The following GABRA4 variants were observed in gnomAD, a reference collection of about 807,000 sequenced individuals.
The protein encoded by GABRA4 is gamma-aminobutyric acid receptor subunit alpha-4.
In GABRA4, 12 loss-of-function variants were observed where a neutral mutation model predicts 49.7. That is an observed-to-expected ratio of 0.24 (90% CI 0.15 to 0.39). The LOEUF (loss-of-function observed/expected upper bound fraction) is 0.39. Ranked by LOEUF, GABRA4 falls within the 10% of genes least tolerant of loss-of-function variation. The pLI is 1.00. For missense variants in GABRA4, 506 were observed against 686.0 expected (o/e 0.74, Z 2.93); for synonymous variants, 288 against 240.2 (o/e 1.20, Z -1.84).
At position 46,923,339 on chromosome 4, in the gene GABRA4, G is replaced by C. The variant is rs182489672; in HGVS notation, c.*4886C>G. On this transcript the variant is annotated 3_prime_UTR_variant, in exon 9 of 9. Coordinates refer to ENST00000264318, the MANE Select transcript of GABRA4 (RefSeq NM_000809.4). ...TACCCTCCAATTTTAATCTTATCTT[G>C]AGATAAAAGTCAATTTAATTTTTTA... The C allele has an allele frequency of 4.2e-3, 591 of 141,212 alleles. 6 individuals carry two copies. The highest frequency in any genetic ancestry group is 0.015 in the African/African-American group (576 of 39,074). 8.7% of individuals were successfully genotyped at this position (141,212 alleles called of 1,614,324 possible). A position where few individuals can be genotyped will look rare whatever the true frequency, so the allele number is the denominator to read the frequency against.
chr4:46,956,664 T>G (rs945060051), intron 8 of GABRA4, among the ~76,000 whole-genome samples: 1 of 152,008 alleles, frequency 6.6e-6, no homozygotes, highest in Non-Finnish European at 1.5e-5. Context: ...CTGTCCTAAA[T>G]GGTCACAGAA....
Position 46,993,534 on chromosome 4 carries a change from C to T in GABRA4, c.-110G>A. 1 of 1,137,628 alleles carries T rather than the reference C, an allele frequency of 8.8e-7. No homozygotes were observed. The highest frequency in any genetic ancestry group is 1.3e-6 in the Non-Finnish European group (1 of 776,886). The allele number at this position is 1,137,628 out of a possible 1,614,324, so 70.5% of individuals were successfully genotyped here. On this transcript the variant is annotated 5_prime_UTR_variant, in exon 1 of 9. Transcript: ENST00000264318. ...GGCTCCCGCGGCGTGCGCACACTCG[C>T]GCTCACACTCGCCCGCGCTCAGCCA...
chr4:46,956,112 T>A (rs113214449), intron 8 of GABRA4, among the ~76,000 whole-genome samples: 4,990 of 152,226 alleles, frequency 0.033, 85 homozygotes, highest in Middle Eastern at 0.071. Context: ...ATTTAGTAAT[T>A]GTGCATTAAA....
chr4:46,929,095 T>C (rs1451811001), intron 8 of GABRA4, among the ~76,000 whole-genome samples: 1 of 151,990 alleles, frequency 6.6e-6, no homozygotes, highest in Non-Finnish European at 1.5e-5. Flanking sequence ...GCTGTAAAAG[T>C]TATTTGTTTA....
intron 8 of GABRA4, among the ~76,000 whole-genome samples, chr4:46,945,688 A>T (rs2109352431): frequency 6.6e-6 from 1 of 152,256 alleles, no homozygotes; most frequent in African/African-American, 2.4e-5. Context: ...ATAGGAGGAA[A>T]ATTCAGGAAG....
chr4:46,944,527 G>T (rs1435314736), intron 8 of GABRA4, among the ~76,000 whole-genome samples: 4 of 152,052 alleles, frequency 2.6e-5, no homozygotes, highest in African/African-American at 4.8e-5. Context: ...AACAGAGTCT[G>T]CTCTGAGAGA....
intron 6 of GABRA4, among the ~76,000 whole-genome samples, 181 bp from the exon 7 acceptor site, chr4:46,971,416 T>C (rs939215288): frequency 6.6e-6 from 1 of 151,548 alleles, no homozygotes; most frequent in African/African-American, 2.4e-5. Flanking sequence ...ATATTGAACG[T>C]TATTATACAG....
chr4:46,938,570 G>A (rs1015068811), intron 8 of GABRA4, among the ~76,000 whole-genome samples: 1 of 152,088 alleles, frequency 6.6e-6, no homozygotes, highest in Non-Finnish European at 1.5e-5. Flanking sequence ...TCTTTGATGA[G>A]CCAAGAACCT....
chr4:46,987,898 A>G (rs1723597641), intron 2 of GABRA4, among the ~76,000 whole-genome samples: 1 of 152,102 alleles, frequency 6.6e-6, no homozygotes, highest in South Asian at 2.1e-4. Context: ...AGGTTCACTA[A>G]GAGAATAAGT....
chr4:46,962,152 GC>G (rs1722598711), intron 8 of GABRA4, among the ~76,000 whole-genome samples: 1 of 151,726 alleles, frequency 6.6e-6, no homozygotes, highest in South Asian at 2.1e-4. Context: ...ACAGGCACAG[GC>G]CCCACCCTGC....
intron 2 of GABRA4, among the ~76,000 whole-genome samples, chr4:46,986,238 T>C (rs1723531369): frequency 6.6e-6 from 1 of 152,024 alleles, no homozygotes; most frequent in African/African-American, 2.4e-5. Context: ...TCTGCTTCCA[T>C]GTACAAATGC....
chr4:46,927,213 A>T lies in GABRA4; in HGVS notation c.*1012T>A, dbSNP rs919166793. On this transcript the variant is annotated 3_prime_UTR_variant, in exon 9 of 9. Transcript: ENST00000264318. ...CATAATGCTTTTCACTTATAGAACAATCTGTACCATATTCTCATCTATTTT... is the reference window on the plus strand; with the variant it reads ...CATAATGCTTTTCACTTATAGAACATTCTGTACCATATTCTCATCTATTTT... 1.3e-5 allele frequency: 2 copies of T among 152,432 alleles called. No individual in the cohort carries two copies. Among genetic ancestry groups the T allele is most frequent in the African/African-American group, 2.4e-5 (1 of 41,430 alleles). 9.4% of individuals were successfully genotyped at this position (152,432 alleles called of 1,614,324 possible). A position where few individuals can be genotyped will look rare whatever the true frequency, so the allele number is the denominator to read the frequency against.
At chr4:46,964,015 TC>T (rs1199935496) in intron 8 of GABRA4, among the ~76,000 whole-genome samples, 1 of 151,810 alleles carries the variant, frequency 6.6e-6, no homozygotes, top group South Asian at 2.1e-4. Context: ...AACCTAAGTG[TC>T]TATAAACTGA....
chr4:46,966,686 G>A (rs140119615), intron 7 of GABRA4, among the ~76,000 whole-genome samples: 4 of 151,536 alleles, frequency 2.6e-5, no homozygotes, highest in African/African-American at 7.3e-5. Context: ...TCTGAAATTC[G>A]GTCTCTTCTA....
At chr4:46,988,095 T>C (rs1033708248) in intron 2 of GABRA4, among the ~76,000 whole-genome samples, 2 of 152,200 alleles carry the variant, frequency 1.3e-5, no homozygotes, top group South Asian at 2.1e-4. Flanking sequence ...TTGTTCTCTC[T>C]GAGAATTACT....
chr4:46,958,758 C>G (rs2109366346), intron 8 of GABRA4, among the ~76,000 whole-genome samples: 1 of 151,970 alleles, frequency 6.6e-6, no homozygotes, highest in African/African-American at 2.4e-5. Flanking sequence ...TATTCCAATT[C>G]CCAAAGAACC....
intron 7 of GABRA4, among the ~76,000 whole-genome samples, chr4:46,969,909 C>T (rs1014980337): frequency 6.6e-6 from 1 of 151,268 alleles, no homozygotes; most frequent in Non-Finnish European, 1.5e-5. Flanking sequence ...TTTAAGGTAC[C>T]ATTATACCTC....
rs71193889 is a variant in GABRA4 at position 46,978,687 on chromosome 4, C to CAAA, written c.273+341_273+343dup. On this transcript the variant is annotated intron_variant, in intron 3 of 8. Coordinates refer to ENST00000264318, the MANE Select transcript of GABRA4 (RefSeq NM_000809.4). ...GGGCAACAAGAGCAAAACTTCATCTCAAAAAAAAAAAAAAAAAAAAAAAAA... is the reference window on the plus strand; with the variant it reads ...GGGCAACAAGAGCAAAACTTCATCTCAAAAAAAAAAAAAAAAAAAAAAAAAAAA... Among the ~76,000 whole-genome samples the CAAA allele has an allele frequency of 5.5e-3, 118 of 21,650 alleles. 6 individuals are homozygous for CAAA. The highest frequency in any genetic ancestry group is 6.3e-3 in the African/African-American group (41 of 6,542). 14.2% of individuals were successfully genotyped at this position (21,650 alleles called of 152,430 possible).
At chr4:46,929,050 C>T (rs1321176833) in intron 8 of GABRA4, among the ~76,000 whole-genome samples, 1 of 151,974 alleles carries the variant, frequency 6.6e-6, no homozygotes, top group Non-Finnish European at 1.5e-5. Context: ...AAGCTGAGGT[C>T]ATGCTTAATT....
Sources: allele counts gnomAD v4.1 joint callset (sites outside exome capture counted in the v4.1 genomes callset), GRCh38; gene constraint gnomAD v4.1.1; transcripts MANE v1.5; gene names NCBI Gene and HGNC (gene_info 2026-07-23, HGNC 2026-07-21).